Variants in TG observed in about 807,000 individuals in gnomAD.
TG encodes the protein thyroglobulin.
A neutral mutation model predicts 324.7 loss-of-function variants in TG; 270 were observed. The observed-to-expected ratio is 0.83, with a 90% CI of 0.75 to 0.92. The LOEUF is 0.92. TG is among the 40% of genes least tolerant of loss of function. The pLI is 0.00. For synonymous variants in TG, 1,401 were observed against 1,327.0 expected, an observed-to-expected ratio of 1.06 and a Z score of -1.21; for missense variants, 3,591 against 3,456.4, an observed-to-expected ratio of 1.04 and a Z score of -0.98.
intron 27 of TG, among the ~76,000 whole-genome samples, chr8:132,955,192 C>T (rs1342082043): frequency 1.3e-5 from 2 of 152,084 alleles, no homozygotes; most frequent in East Asian, 1.9e-4. Flanking sequence ...GGAGGTCTTT[C>T]CCCCCACAAG....
rs149050873 is a variant in TG at position 133,029,986 on chromosome 8, C to T, written c.7202C>T (p.Ala2401Val). The change falls in exon 41 of 48, where the codon GCC becomes GTC. Residue 2401 changes from alanine (A) to valine (V), a missense_variant. Ala to Val is a moderately conservative substitution (Grantham distance 64). Transcript: ENST00000220616. ...VASIHLLTAR[A>V]TNSQLFRRAV... ...AGCATCCACCTTCTCACGGCCAGGG[C>T]CACCAACTCCCAACTTTTCCGGAGA... The T allele has an allele frequency of 5.6e-6, 9 of 1,614,068 alleles. No individual in the cohort carries two copies. Among genetic ancestry groups the T allele is most frequent in the Non-Finnish European group, 7.6e-6 (9 of 1,180,042 alleles).
chr8:133,029,793 G>A, intron 40 of TG, 28 bp from the exon 41 acceptor site: 1 of 1,613,810 alleles, frequency 6.2e-7, no homozygotes, highest in Non-Finnish European at 8.5e-7. Flanking sequence ...AAGTCACAAA[G>A]GATAAAAGGC....
chr8:132,983,260 A>G lies in TG; in HGVS notation c.6200-90A>G, dbSNP rs555787816. The stretch of plus-strand genomic sequence containing the variant: ...TCTGCCTTCCAAGTCCAATTTTACA[A>G]TCACCATCTTATACTTATATTAATG... On this transcript the variant is annotated intron_variant, in intron 34 of 47. Transcript: ENST00000220616. 13 of 1,424,578 alleles carry G rather than the reference A, an allele frequency of 9.1e-6. No homozygotes were observed. The South Asian group carries it at 1.4e-4, about 15-fold the overall frequency. 88.2% of individuals were successfully genotyped at this position (1,424,578 alleles called of 1,614,324 possible).
chr8:132,886,659 G>C lies in TG; in HGVS notation c.1287G>C (p.Gln429His). ...TTCTCCGCCCAATGGTGGAGGGACA[G>C]AGCCAACAGTTTTCTGTCTCAGAAA... ...SGLLRPMVEG[Q>H]SQQFSVSENL... Residue 429 changes from glutamine (Q) to histidine (H), a missense_variant, in exon 9 of 48, where the codon CAG (glutamine) becomes CAC (histidine). Transcript: ENST00000220616. The C allele has an allele frequency of 1.2e-6, 2 of 1,614,234 alleles. No homozygotes were observed. Among genetic ancestry groups the C allele is most frequent in the East Asian group, 2.2e-5 (1 of 44,872 alleles).
At chr8:132,925,185 G>A (rs1821665266) in intron 22 of TG, among the ~76,000 whole-genome samples, 1 of 152,158 alleles carries the variant, frequency 6.6e-6, no homozygotes, top group Non-Finnish European at 1.5e-5. Context: ...TTTAGCTGAG[G>A]AAACTGAGGC....
intron 32 of TG, among the ~76,000 whole-genome samples, chr8:132,969,911 A>T (rs1460313908): frequency 3.2e-5 from 1 of 31,586 alleles, no homozygotes; most frequent in African/African-American, 1.3e-4. Context: ...AGACTCTGTC[A>T]AAAAAAAAAA....
chr8:133,132,608 T>C (rs1335325814), intron 46 of TG, among the ~76,000 whole-genome samples: 3 of 152,156 alleles, frequency 2.0e-5, no homozygotes, highest in Non-Finnish European at 2.9e-5. Flanking sequence ...TGTGAGTTGA[T>C]TACCTAGAAC....
At chr8:133,086,876 G>T (rs1051288956) in intron 41 of TG, among the ~76,000 whole-genome samples, 2 of 152,092 alleles carry the variant, frequency 1.3e-5, no homozygotes, top group Non-Finnish European at 2.9e-5. Flanking sequence ...ATATTTCATT[G>T]CCTGCAGGTG....
At chr8:132,949,212 G>A (rs1825768135) in intron 27 of TG, among the ~76,000 whole-genome samples, 1 of 152,198 alleles carries the variant, frequency 6.6e-6, no homozygotes, top group Non-Finnish European at 1.5e-5. Context: ...AGAATCTTGG[G>A]GTTAGCTGGC....
chr8:132,905,229 C>T (rs899226042), intron 16 of TG, among the ~76,000 whole-genome samples: 1 of 152,080 alleles, frequency 6.6e-6, no homozygotes, highest in African/African-American at 2.4e-5. Context: ...GCTCTAGGAC[C>T]CTGAACTAGT....
intron 28 of TG, among the ~76,000 whole-genome samples, chr8:132,962,459 G>A (rs1827893207): frequency 6.6e-6 from 1 of 152,076 alleles, no homozygotes; most frequent in Admixed American, 6.6e-5. Flanking sequence ...GAAAAATGAG[G>A]GACTTACATT....
chr8:133,028,828 C>G (rs1381242338), intron 40 of TG, among the ~76,000 whole-genome samples: 2 of 152,068 alleles, frequency 1.3e-5, no homozygotes, highest in East Asian at 3.9e-4. Context: ...TTTCTTTTTT[C>G]CTATTTGGGA....
intron 35 of TG, chr8:132,988,658 A>T (rs990832996): frequency 1.1e-5 from 11 of 961,494 alleles, no homozygotes; most frequent in Non-Finnish European, 1.4e-5. Context: ...CAAGTGAAAT[A>T]GTAAATATAT....
chr8:132,977,543 C>T (rs141284151), intron 34 of TG, among the ~76,000 whole-genome samples: 11 of 152,034 alleles, frequency 7.2e-5, no homozygotes, highest in Non-Finnish European at 4.4e-5. Flanking sequence ...ACTGGACTTA[C>T]GGTTCCACAT....
At chr8:133,069,440 G>A (rs1056592532) in intron 41 of TG, among the ~76,000 whole-genome samples, 2 of 152,162 alleles carry the variant, frequency 1.3e-5, no homozygotes, top group African/African-American at 4.8e-5. Context: ...GTCTAATGGG[G>A]CTTGGTCTCT....
Position 133,065,421 on chromosome 8 carries a change from A to G in TG, c.7240-29623A>G, listed in dbSNP as rs186760035. Among the ~76,000 whole-genome samples the G allele has an allele frequency of 8.5e-4, 130 of 152,356 alleles. 1 individual carries two copies. In the Middle Eastern group the frequency reaches 0.01, roughly 12 times the overall value. ...GCCCTGTTTTGCTGTCCTCTGACAG[A>G]AAAGAAGAGATTTTCAAACCCAAGA... On this transcript the variant is annotated intron_variant, in intron 41 of 47. Coordinates refer to ENST00000220616, the MANE Select transcript of TG (RefSeq NM_003235.5).
At chr8:132,947,808 T>G (rs893073044) in intron 26 of TG, among the ~76,000 whole-genome samples, 2 of 152,156 alleles carry the variant, frequency 1.3e-5, no homozygotes, top group Non-Finnish European at 2.9e-5. Flanking sequence ...CTATAAGAAT[T>G]AAGGGAATTA....
At chr8:132,994,939 T>C in intron 35 of TG, 4 of 1,091,304 alleles carry the variant, frequency 3.7e-6, no homozygotes, top group Non-Finnish European at 4.5e-6. Context: ...GATTCTCTTG[T>C]TGTGAGAGGG....
At chr8:132,868,335 G>T (rs1296971576) in intron 2 of TG, 112 bp downstream of exon 2, 3 of 998,900 alleles carry the variant, frequency 3.0e-6, no homozygotes, top group Non-Finnish European at 4.6e-6. Flanking sequence ...TGCATGTGAG[G>T]CTTGGCCACT....
Sources: gnomAD v4.1 joint callset for allele counts (sites outside exome capture counted in the v4.1 genomes callset) on GRCh38, gnomAD v4.1.1 for gene constraint, MANE v1.5 for transcripts, NCBI Gene and HGNC (gene_info 2026-07-23, HGNC 2026-07-21) for gene names.